The following MYT1L variants were observed in gnomAD, a reference collection of about 807,000 sequenced individuals.
MYT1L encodes the protein myelin transcription factor 1 like, also known as myelin transcription factor 1-like protein.
In MYT1L, 12 loss-of-function variants were observed where a neutral mutation model predicts 126.7. The observed-to-expected ratio is 0.09, with a 90% CI of 0.06 to 0.15. MYT1L has a LOEUF of 0.15. Ranked by LOEUF, MYT1L falls within the 10% of genes least tolerant of loss-of-function variation. The pLI is 1.00. For missense variants in MYT1L, 979 were observed against 1,585.2 expected, an observed-to-expected ratio of 0.62 and a Z score of 6.49; for synonymous variants, 541 against 604.2, an observed-to-expected ratio of 0.90 and a Z score of 1.53.
At chr2:2,115,758 C>T (rs930662998) in intron 3 of MYT1L, among the ~76,000 whole-genome samples, 2 of 152,152 alleles carry the variant, frequency 1.3e-5, no homozygotes, top group African/African-American at 4.8e-5. Flanking sequence ...GGGGTGGGGA[C>T]AGCGGGAGAG....
intron 9 of MYT1L, among the ~76,000 whole-genome samples, chr2:1,928,970 G>C (rs1257146748): frequency 1.3e-5 from 2 of 152,106 alleles, no homozygotes; most frequent in East Asian, 3.9e-4. Context: ...ATAAGGATGT[G>C]CAGGGAGGGA....
At chr2:2,081,681 C>T (rs1275266867) in intron 3 of MYT1L, among the ~76,000 whole-genome samples, 1 of 152,182 alleles carries the variant, frequency 6.6e-6, no homozygotes, top group East Asian at 1.9e-4. Context: ...AGGCAAGTCC[C>T]AGAGGTTATT....
chr2:1,944,914 G>A (rs1369014717), intron 8 of MYT1L, among the ~76,000 whole-genome samples: 1 of 152,186 alleles, frequency 6.6e-6, no homozygotes, highest in Non-Finnish European at 1.5e-5. Context: ...ACAGAGGGCA[G>A]GCATGCACGG....
chr2:1,862,570 A>G (rs1419908651), intron 18 of MYT1L, among the ~76,000 whole-genome samples: 1 of 152,198 alleles, frequency 6.6e-6, no homozygotes, highest in Non-Finnish European at 1.5e-5. Flanking sequence ...TCCAGGTCAT[A>G]TAAAATTGAG....
intron 4 of MYT1L, among the ~76,000 whole-genome samples, chr2:2,028,854 CGTT>C (rs1486171941): frequency 2.0e-5 from 3 of 151,988 alleles, no homozygotes; most frequent in Admixed American, 6.6e-5. Context: ...TTCATTAACT[CGTT>C]GTTAAGAGGC....
At chr2:1,895,389 C>T (rs1310504640) in intron 14 of MYT1L, among the ~76,000 whole-genome samples, 1 of 152,082 alleles carries the variant, frequency 6.6e-6, no homozygotes, top group Non-Finnish European at 1.5e-5. Flanking sequence ...AAAAAAGAGC[C>T]CAAATAGCCA....
At chr2:1,964,266 CAAA>C (rs1305074636) in intron 8 of MYT1L, among the ~76,000 whole-genome samples, 3 of 152,132 alleles carry the variant, frequency 2.0e-5, no homozygotes, top group African/African-American at 7.2e-5. Context: ...CTGGTGTCCC[CAAA>C]CAATCACAGT....
At chr2:2,238,999 C>A (rs2094384817) in intron 2 of MYT1L, among the ~76,000 whole-genome samples, 1 of 152,216 alleles carries the variant, frequency 6.6e-6, no homozygotes, top group African/African-American at 2.4e-5. Context: ...ATGCCAGCTC[C>A]TGGGGGACCC....
chr2:2,321,404 ATGGC>A (rs2096162970), intron 1 of MYT1L, among the ~76,000 whole-genome samples: 2 of 152,108 alleles, frequency 1.3e-5, no homozygotes, highest in African/African-American at 4.8e-5. Context: ...GCATTGTTTC[ATGGC>A]GACAATGCTC....
intron 9 of MYT1L, among the ~76,000 whole-genome samples, chr2:1,934,689 T>TTC (rs1313091078): frequency 7.7e-6 from 1 of 129,502 alleles, no homozygotes; most frequent in East Asian, 2.2e-4. Flanking sequence ...CATTCTCTCT[T>TTC]TCTCTCTCTC....
chr2:1,992,799 T>C (rs570176503), intron 5 of MYT1L, among the ~76,000 whole-genome samples: 1 of 152,290 alleles, frequency 6.6e-6, no homozygotes, highest in South Asian at 2.1e-4. Flanking sequence ...GAACTAACAT[T>C]AGCCATAAGA....
At chr2:2,111,447 G>A (rs553379716) in intron 3 of MYT1L, among the ~76,000 whole-genome samples, 16 of 152,328 alleles carry the variant, frequency 1.1e-4, no homozygotes, top group Middle Eastern at 3.4e-3. Context: ...CGATGAATTC[G>A]AAGAACAGGG....
chr2:2,085,139 C>T (rs1275100898), intron 3 of MYT1L, among the ~76,000 whole-genome samples: 1 of 152,182 alleles, frequency 6.6e-6, no homozygotes, highest in Non-Finnish European at 1.5e-5. Flanking sequence ...TTTTCTCCAT[C>T]AGCTGTCTCC....
chr2:2,065,701 C>T (rs1039485755), intron 3 of MYT1L, among the ~76,000 whole-genome samples: 1 of 152,112 alleles, frequency 6.6e-6, no homozygotes, highest in Admixed American at 6.6e-5. Flanking sequence ...CCTCCCATTC[C>T]AATATGATCA....
chr2:2,218,971 T>C (rs1397685879), intron 2 of MYT1L, among the ~76,000 whole-genome samples: 1 of 152,148 alleles, frequency 6.6e-6, no homozygotes, highest in Non-Finnish European at 1.5e-5. Context: ...ATTCCATCAT[T>C]TGAAATAAGA....
At chr2:2,178,087 A>G (rs2091026661) in intron 2 of MYT1L, among the ~76,000 whole-genome samples, 1 of 152,178 alleles carries the variant, frequency 6.6e-6, no homozygotes, top group Non-Finnish European at 1.5e-5. Flanking sequence ...TTTATTTTAT[A>G]TAAACAGACT....
At chr2:1,831,287 G>C (rs1186746821) in intron 21 of MYT1L, among the ~76,000 whole-genome samples, 1 of 152,162 alleles carries the variant, frequency 6.6e-6, no homozygotes, top group Admixed American at 6.5e-5. Flanking sequence ...TGTCCAGCTT[G>C]TCTGTGGCTT....
chr2:2,011,325 G>C (rs2149760129), intron 4 of MYT1L, among the ~76,000 whole-genome samples: 1 of 149,006 alleles, frequency 6.7e-6, no homozygotes, highest in South Asian at 2.1e-4. Flanking sequence ...CCGGGAGGCA[G>C]TGAGTTGCAG....
rs138476054 is a variant in MYT1L, at chr2:2,181,496, G to A, written c.-420-8508C>T. 1.5e-3 allele frequency among the ~76,000 whole-genome samples: 225 copies of A among 152,180 alleles called. 1 individual carries two copies. The highest frequency in any genetic ancestry group is 4.8e-3 in the African/African-American group (199 of 41,514). On this transcript the variant is annotated intron_variant, in intron 2 of 24. Coordinates refer to ENST00000647738, the MANE Select transcript of MYT1L (RefSeq NM_001303052.2). ...GCTCTTAAAATATATAGAAATTACC[G>A]TCTGTCAGAGGCTGTGGATGCAGAG...
Sources: allele counts gnomAD v4.1 joint callset (sites outside exome capture counted in the v4.1 genomes callset), GRCh38; gene constraint gnomAD v4.1.1; transcripts MANE v1.5; gene names NCBI Gene and HGNC (gene_info 2026-07-23, HGNC 2026-07-21).